Variants in SULF2 observed in about 807,000 individuals in gnomAD.
SULF2 encodes extracellular sulfatase Sulf-2.
In SULF2, 52 loss-of-function variants were observed where a neutral mutation model predicts 107.7. The ratio of observed to expected loss-of-function variants is 0.48; its 90% CI spans 0.39 to 0.61. The LOEUF (loss-of-function observed/expected upper bound fraction) is 0.61. Among genes scored for constraint, SULF2 ranks in the 20% least tolerant of loss-of-function variants. The pLI is 0.00. For missense variants in SULF2, 993 were observed against 1,177.3 expected (o/e 0.84, Z 2.29); for synonymous variants, 460 against 464.3 (o/e 0.99, Z 0.12).
At position 47,682,082 on chromosome 20, in the gene SULF2, C is replaced by T. The variant is rs776898736; in HGVS notation, c.1064+912G>A. ...ATTACAGCTCTTAGTCCAATGGGGA[C>T]GCTAAGAGCCAAAGACGGGCGTGAT... On this transcript the variant is annotated intron_variant, in intron 7 of 20. Coordinates refer to ENST00000688720, the MANE Select transcript of SULF2 (RefSeq NM_001387048.1). Among the ~76,000 whole-genome samples the T allele has an allele frequency of 5.9e-5, 9 of 151,966 alleles. No homozygotes were observed. In the South Asian group the frequency reaches 6.2e-4, roughly 10 times the overall value.
At chr20:47,713,800 G>C (rs947717270) in intron 3 of SULF2, among the ~76,000 whole-genome samples, 5 of 151,948 alleles carry the variant, frequency 3.3e-5, no homozygotes, top group African/African-American at 1.2e-4. Context: ...AAAAAGAACT[G>C]TGAGTTCCCA....
In SULF2 at chr20:47,753,120, G is replaced by GAAAGA. The variant is rs372901052; in HGVS notation, c.175+4064_175+4068dup. On this transcript the variant is annotated intron_variant, in intron 2 of 20. Transcript: ENST00000688720. ...TCTCAAAAAAAAAAAAAAAAAAAAA[G>GAAAGA]AAAGAAAAGAAAAGAAATGCAAACA... is the stretch of plus-strand genomic sequence containing the variant. 5.3e-3 allele frequency among the ~76,000 whole-genome samples: 625 copies of GAAAGA among 117,714 alleles called. 5 individuals carry two copies. The highest frequency in any genetic ancestry group is 7.2e-3 in the African/African-American group (220 of 30,740). The allele number at this position is 117,714 out of a possible 152,430, so 77.2% of individuals were successfully genotyped here. A position where few individuals can be genotyped will look rare whatever the true frequency, so the allele number is the denominator to read the frequency against.
At chr20:47,707,847 T>C (rs2088800518) in intron 3 of SULF2, among the ~76,000 whole-genome samples, 1 of 152,194 alleles carries the variant, frequency 6.6e-6, no homozygotes, top group Non-Finnish European at 1.5e-5. Flanking sequence ...GCCCCGACAC[T>C]TTCTACTCGT....
At chr20:47,688,642 T>G (rs2088095313) in intron 5 of SULF2, among the ~76,000 whole-genome samples, 1 of 152,138 alleles carries the variant, frequency 6.6e-6, no homozygotes, top group African/African-American at 2.4e-5. Flanking sequence ...GAGGCTGGCC[T>G]TCTTGGGTGG....
intron 3 of SULF2, among the ~76,000 whole-genome samples, chr20:47,704,510 C>A (rs138430082): frequency 6.6e-6 from 1 of 152,092 alleles, no homozygotes; most frequent in African/African-American, 2.4e-5. Flanking sequence ...TGAGCTCAAG[C>A]GATCTGCCTG....
At chr20:47,697,353 C>T (rs2088414943) in intron 4 of SULF2, among the ~76,000 whole-genome samples, 1 of 152,242 alleles carries the variant, frequency 6.6e-6, no homozygotes, top group Non-Finnish European at 1.5e-5. Flanking sequence ...CAGAGGCCTT[C>T]TGAGGGGGGC....
intron 20 of SULF2, among the ~76,000 whole-genome samples, chr20:47,658,705 A>G (rs1397255646): frequency 6.6e-6 from 1 of 152,254 alleles, no homozygotes; most frequent in Non-Finnish European, 1.5e-5. Flanking sequence ...CTAATGTCCT[A>G]TTAAAGCCAC....
At chr20:47,718,069 G>A (rs1038730468) in intron 3 of SULF2, among the ~76,000 whole-genome samples, 4 of 151,982 alleles carry the variant, frequency 2.6e-5, no homozygotes, top group African/African-American at 7.3e-5. Flanking sequence ...CACCTGCCTC[G>A]GCCTCCCAAA....
chr20:47,676,239 CG>C (rs2087635280), intron 10 of SULF2, among the ~76,000 whole-genome samples: 1 of 152,194 alleles, frequency 6.6e-6, no homozygotes, highest in Non-Finnish European at 1.5e-5. Flanking sequence ...GCTAGAGAGG[CG>C]CTAAGGGCAT....
At chr20:47,763,404 C>T (rs2090457789) in intron 1 of SULF2, among the ~76,000 whole-genome samples, 1 of 152,222 alleles carries the variant, frequency 6.6e-6, no homozygotes, top group Non-Finnish European at 1.5e-5. Context: ...GGGACCTCAT[C>T]CAGACCTGTT....
At chr20:47,777,738 A>G (rs1284622052) in intron 1 of SULF2, among the ~76,000 whole-genome samples, 1 of 152,166 alleles carries the variant, frequency 6.6e-6, no homozygotes, top group Non-Finnish European at 1.5e-5. Flanking sequence ...TCAGAAGTCT[A>G]TGGATAGTAT....
At chr20:47,681,548 C>A (rs563503699) in intron 7 of SULF2, among the ~76,000 whole-genome samples, 3 of 152,184 alleles carry the variant, frequency 2.0e-5, no homozygotes, top group Non-Finnish European at 2.9e-5. Flanking sequence ...GGAATAGAGA[C>A]TGCCTGGTTT....
At chr20:47,758,626 T>C (rs1416099293) in intron 1 of SULF2, among the ~76,000 whole-genome samples, 1 of 151,648 alleles carries the variant, frequency 6.6e-6, no homozygotes, top group Non-Finnish European at 1.5e-5. Context: ...TGCGGGGAGG[T>C]GGGGACGCGA....
At chr20:47,672,002 G>A (rs1031474205) in intron 11 of SULF2, among the ~76,000 whole-genome samples, 196 bp downstream of exon 11, 1 of 152,176 alleles carries the variant, frequency 6.6e-6, no homozygotes, top group African/African-American at 2.4e-5. Context: ...GAGCCATTGC[G>A]CCTGGCCTTA....
chr20:47,757,506 T>C (rs1018525505), intron 1 of SULF2, 43 bp from the exon 2 acceptor site: 7 of 948,340 alleles, frequency 7.4e-6, no homozygotes, highest in Admixed American at 2.9e-5. Flanking sequence ...ATGTCAAGGC[T>C]GCCGGCTGCT....
At chr20:47,764,573 G>A (rs2090488241) in intron 1 of SULF2, among the ~76,000 whole-genome samples, 1 of 152,202 alleles carries the variant, frequency 6.6e-6, no homozygotes. Flanking sequence ...TGGCCAATAA[G>A]CGAGAGGGAG....
chr20:47,742,646 T>C (rs1259675653), intron 2 of SULF2, among the ~76,000 whole-genome samples: 8 of 152,218 alleles, frequency 5.3e-5, no homozygotes, highest in Admixed American at 5.2e-4. Context: ...TTGATATTTG[T>C]ATTTAACGTG....
intron 1 of SULF2, among the ~76,000 whole-genome samples, chr20:47,780,497 C>T (rs943734625): frequency 6.7e-6 from 1 of 149,884 alleles, no homozygotes; most frequent in African/African-American, 2.5e-5. Context: ...TCACAGAGGC[C>T]TCCCTGACAG....
chr20:47,781,258 C>T lies in SULF2; in HGVS notation c.-101+4085G>A, dbSNP rs182751291. Among the ~76,000 whole-genome samples, 13 of 152,372 alleles carry T rather than the reference C, an allele frequency of 8.5e-5. No homozygotes were observed. In the East Asian group the frequency reaches 2.1e-3, roughly 25 times the overall value. On this transcript the variant is annotated intron_variant, in intron 1 of 20. Transcript: ENST00000688720. ...ACCTTGGCCAAAATGAAGATGGGTC[C>T]ATCTGGCCAGCATTGCTCACATTAG...
Sources: gnomAD v4.1 joint callset for allele counts (sites outside exome capture counted in the v4.1 genomes callset) on GRCh38, gnomAD v4.1.1 for gene constraint, MANE v1.5 for transcripts, NCBI Gene and HGNC (gene_info 2026-07-23, HGNC 2026-07-21) for gene names.